Variants in DTNB observed in about 807,000 individuals in gnomAD.
DTNB encodes dystrobrevin beta.
A neutral mutation model predicts 90.7 loss-of-function variants in DTNB; 63 were observed. The ratio of observed to expected loss-of-function variants is 0.69; its 90% CI spans 0.57 to 0.86. The LOEUF is 0.86. DTNB is among the 40% of genes least tolerant of loss of function. DTNB has a pLI of 0.00. For missense variants in DTNB, 744 were observed against 807.1 expected (o/e 0.92, Z 0.95); for synonymous variants, 277 against 286.7 (o/e 0.97, Z 0.34).
At chr2:25,522,763 C>T (rs1416803684) in intron 9 of DTNB, among the ~76,000 whole-genome samples, 1 of 147,158 alleles carries the variant, frequency 6.8e-6, no homozygotes, top group Admixed American at 6.9e-5. Flanking sequence ...TGCAGTGGTG[C>T]AATCTCGGCT....
At chr2:25,386,741 C>G (rs1174342312) in intron 18 of DTNB, among the ~76,000 whole-genome samples, 1 of 152,166 alleles carries the variant, frequency 6.6e-6, no homozygotes, top group African/African-American at 2.4e-5. Context: ...CACAGATGAG[C>G]TGAACACAAG....
intron 9 of DTNB, among the ~76,000 whole-genome samples, chr2:25,529,664 G>A (rs1222666082): frequency 1.3e-5 from 2 of 152,080 alleles, no homozygotes; most frequent in Non-Finnish European, 2.9e-5. Context: ...AATTCAATAG[G>A]AATGATTTTC....
intron 16 of DTNB, among the ~76,000 whole-genome samples, chr2:25,393,725 A>G (rs892657176): frequency 1.3e-5 from 2 of 152,198 alleles, no homozygotes; most frequent in African/African-American, 4.8e-5. Context: ...ACTATAAAAC[A>G]CTGCTGAAAG....
intron 9 of DTNB, among the ~76,000 whole-genome samples, chr2:25,509,663 ATTTGTT>A (rs1454782833): frequency 7.2e-6 from 1 of 138,596 alleles, no homozygotes; most frequent in Non-Finnish European, 1.6e-5. Flanking sequence ...ATAATCTTCT[ATTTGTT>A]TTTAGTATCT....
intron 6 of DTNB, among the ~76,000 whole-genome samples, chr2:25,588,510 C>T (rs1156901618): frequency 2.0e-5 from 3 of 152,040 alleles, no homozygotes; most frequent in Non-Finnish European, 2.9e-5. Context: ...GGACTACAGG[C>T]GCACGCACCA....
At chr2:25,525,195 T>G (rs1297136309) in intron 9 of DTNB, among the ~76,000 whole-genome samples, 2 of 152,210 alleles carry the variant, frequency 1.3e-5, no homozygotes, top group Non-Finnish European at 2.9e-5. Flanking sequence ...TTTTTATAGA[T>G]GTATAAATAT....
At chr2:25,427,180 A>AAAAC (rs1553366459) in intron 15 of DTNB, among the ~76,000 whole-genome samples, 2 of 139,570 alleles carry the variant, frequency 1.4e-5, no homozygotes, top group African/African-American at 5.5e-5. Context: ...TCCATCTCAA[A>AAAAC]ACACACACAC....
rs973040806 is a variant in DTNB at position 25,593,482 on chromosome 2, G to A, written c.603+2604C>T. ...TGGTCAATATATCAGTATATTCTAT[G>A]AGTGATTTCTATTTCCCCTGAGGGT... On this transcript the variant is annotated intron_variant, in intron 6 of 20. Coordinates refer to ENST00000406818, the MANE Select transcript of DTNB (RefSeq NM_021907.5). Among the ~76,000 whole-genome samples the A allele has an allele frequency of 3.9e-5, 6 of 152,120 alleles. No homozygotes were observed. The East Asian group carries it at 1.2e-3, about 29-fold the overall frequency.
At chr2:25,446,504 C>A (rs1483652774) in intron 12 of DTNB, among the ~76,000 whole-genome samples, 1 of 152,176 alleles carries the variant, frequency 6.6e-6, no homozygotes, top group African/African-American at 2.4e-5. Flanking sequence ...AATCTGCCCA[C>A]CTTGGCCTCC....
chr2:25,388,153 GT>G (rs1406475385), intron 17 of DTNB, 48 bp downstream of exon 17: 11 of 1,542,082 alleles, frequency 7.1e-6, no homozygotes, highest in Non-Finnish European at 9.6e-6. Context: ...TCTTGTCCGT[GT>G]TTGCACATCC....
At chr2:25,509,964 T>G (rs1346637111) in intron 9 of DTNB, among the ~76,000 whole-genome samples, 1 of 152,044 alleles carries the variant, frequency 6.6e-6, no homozygotes, top group Non-Finnish European at 1.5e-5. Flanking sequence ...TTGGCCAGCC[T>G]GGTCTCGAAC....
chr2:25,454,345 G>T (rs2059696551), intron 11 of DTNB, among the ~76,000 whole-genome samples: 1 of 152,136 alleles, frequency 6.6e-6, no homozygotes, highest in African/African-American at 2.4e-5. Context: ...AGGGGAAGTA[G>T]CAGCAAGGTC....
chr2:25,397,877 CAAA>C (rs56318909), intron 16 of DTNB, among the ~76,000 whole-genome samples: 87 of 73,134 alleles, frequency 1.2e-3, no homozygotes, highest in Middle Eastern at 7.1e-3. Context: ...AAGACTGTCT[CAAA>C]AAAAAAAAAA....
chr2:25,628,097 A>G, intron 4 of DTNB, 74 bp downstream of exon 4: 2 of 1,496,812 alleles, frequency 1.3e-6, no homozygotes, highest in South Asian at 2.3e-5. Flanking sequence ...TTAGCACGGC[A>G]GTATGGAAGA....
At chr2:25,628,126 G>A in intron 4 of DTNB, 45 bp downstream of exon 4, 4 of 1,575,134 alleles carry the variant, frequency 2.5e-6, no homozygotes, top group Non-Finnish European at 3.5e-6. Context: ...TCAGAGACAG[G>A]TGTTCTTAAA....
intron 1 of DTNB, among the ~76,000 whole-genome samples, chr2:25,664,251 T>C (rs2083879531): frequency 6.6e-6 from 1 of 152,268 alleles, no homozygotes; most frequent in Non-Finnish European, 1.5e-5. Flanking sequence ...ATAATATAAA[T>C]AGAAGTATCC....
chr2:25,619,552 T>C (rs1256160159), intron 4 of DTNB, among the ~76,000 whole-genome samples: 1 of 152,232 alleles, frequency 6.6e-6, no homozygotes, highest in Non-Finnish European at 1.5e-5. Flanking sequence ...TCTAGCATTA[T>C]ACTAATTGAG....
chr2:25,547,448 G>A (rs1032711860), intron 8 of DTNB, among the ~76,000 whole-genome samples: 6 of 151,110 alleles, frequency 4.0e-5, no homozygotes, highest in Non-Finnish European at 5.9e-5. Context: ...CTCAGCCTCC[G>A]GAGTAGCTGG....
chr2:25,651,920 G>A (rs983498011), intron 2 of DTNB, among the ~76,000 whole-genome samples: 1 of 152,086 alleles, frequency 6.6e-6, no homozygotes, highest in Non-Finnish European at 1.5e-5. Flanking sequence ...CCTAATCTCT[G>A]GTCCAGACCA....
Sources: gnomAD v4.1 joint callset for allele counts (sites outside exome capture counted in the v4.1 genomes callset) on GRCh38, gnomAD v4.1.1 for gene constraint, MANE v1.5 for transcripts, NCBI Gene and HGNC (gene_info 2026-07-23, HGNC 2026-07-21) for gene names.